CASR: variants seen among roughly 807,000 people sequenced by gnomAD.
CASR encodes extracellular calcium-sensing receptor.
A neutral mutation model predicts 69.1 loss-of-function variants in CASR; 23 were observed. That is an observed-to-expected ratio of 0.33 (90% CI 0.24 to 0.47). The LOEUF (loss-of-function observed/expected upper bound fraction) is 0.47, where lower values mean the gene tolerates loss of function less well. Ranked by LOEUF, CASR falls within the 20% of genes least tolerant of loss-of-function variation. The pLI is 1.00. For missense variants in CASR, 924 were observed against 1,356.1 expected (o/e 0.68, Z 5.00); for synonymous variants, 541 against 544.7 (o/e 0.99, Z 0.10).
chr3:122,196,957 T>A (rs1399475515), intron 1 of CASR, among the ~76,000 whole-genome samples: 1 of 152,210 alleles, frequency 6.6e-6, no homozygotes, highest in Non-Finnish European at 1.5e-5. Context: ...CTTTTTTTTG[T>A]ATGTGTGGTC....
At chr3:122,268,078 G>A (rs1305238326) in intron 4 of CASR, among the ~76,000 whole-genome samples, 1 of 152,186 alleles carries the variant, frequency 6.6e-6, no homozygotes, top group Admixed American at 6.5e-5. Flanking sequence ...AGACTGAGTT[G>A]GTTTAAATTT....
At chr3:122,219,569 G>T (rs1181686990) in intron 1 of CASR, among the ~76,000 whole-genome samples, 2 of 152,204 alleles carry the variant, frequency 1.3e-5, no homozygotes, top group Non-Finnish European at 2.9e-5. Flanking sequence ...GGAGGAATCT[G>T]TTGAGCTGGG....
At chr3:122,272,537 C>T (rs946876756) in intron 4 of CASR, among the ~76,000 whole-genome samples, 1 of 152,182 alleles carries the variant, frequency 6.6e-6, no homozygotes, top group African/African-American at 2.4e-5. Flanking sequence ...ATCATTTCAG[C>T]CCTTTTAAAT....
At chr3:122,216,172 A>G (rs911738077) in intron 1 of CASR, among the ~76,000 whole-genome samples, 2 of 152,244 alleles carry the variant, frequency 1.3e-5, no homozygotes, top group East Asian at 3.8e-4. Flanking sequence ...CACCTCCTAC[A>G]GACAGTCAGT....
rs762799076 is a variant in CASR, at chr3:122,262,373, T to C, written c.1338T>C (p.Asn446=). 8.7e-6 allele frequency: 14 copies of C among 1,613,744 alleles called. No individual in the cohort carries two copies. Among genetic ancestry groups the C allele is most frequent in the Non-Finnish European group, 1.2e-5 (14 of 1,180,034 alleles). Residue 446 remains asparagine (N), a synonymous_variant, in exon 4 of 7, where the codon AAT becomes AAC. Transcript: ENST00000639785. ...TCLPGRGLFT[N]GSCADIKKVE... The stretch of plus-strand genomic sequence containing the variant: ...TACCTGGGAGAGGGCTCTTCACCAA[T>C]GGCTCCTGTGCAGACATCAAGAAAG...
Position 122,261,769 on chromosome 3 carries a change from A to C in CASR, c.734A>C (p.Gln245Pro). 6.2e-7 allele frequency: 1 copy of C among 1,614,220 alleles called. No homozygotes were observed. Among genetic ancestry groups the C allele is most frequent in the Non-Finnish European group, 8.5e-7 (1 of 1,180,016 alleles). Reference sequence around the variant, plus strand: ...ATCGACTTCAGTGAACTCATCTCCCAGTACTCTGATGAGGAAGAGATCCAG... The same window carrying C: ...ATCGACTTCAGTGAACTCATCTCCCCGTACTCTGATGAGGAAGAGATCCAG... ...ICIDFSELISQYSDEEEIQHV... is the reference protein window; with the variant it reads ...ICIDFSELISPYSDEEEIQHV... Residue 245 changes from glutamine (Q) to proline (P), a missense_variant, in exon 4 of 7, where the codon CAG (glutamine) becomes CCG (proline). By Grantham distance (76) the Gln-to-Pro change is moderately conservative. Coordinates refer to ENST00000639785, the MANE Select transcript of CASR (RefSeq NM_000388.4).
chr3:122,213,634 T>C (rs750202432), intron 1 of CASR, among the ~76,000 whole-genome samples: 3 of 152,196 alleles, frequency 2.0e-5, no homozygotes, highest in Non-Finnish European at 4.4e-5. Context: ...CTGGTCCTTG[T>C]TAATAACCCA....
intron 1 of CASR, among the ~76,000 whole-genome samples, chr3:122,186,083 T>C (rs1464251119): frequency 1.8e-4 from 26 of 147,268 alleles, no homozygotes; most frequent in Non-Finnish European, 4.5e-5. Context: ...TTTTTGTCTC[T>C]ATGATAAAAC....
intron 1 of CASR, among the ~76,000 whole-genome samples, chr3:122,253,026 G>A (rs2074514694): frequency 6.6e-6 from 1 of 152,188 alleles, no homozygotes; most frequent in African/African-American, 2.4e-5. Flanking sequence ...ATATCCAGCT[G>A]TTGATCTTTG....
intron 4 of CASR, among the ~76,000 whole-genome samples, chr3:122,275,544 G>A (rs1292168660): frequency 6.6e-6 from 1 of 152,210 alleles, no homozygotes; most frequent in Non-Finnish European, 1.5e-5. Context: ...CAGGTGAGAT[G>A]TCTCCCTTTC....
intron 1 of CASR, among the ~76,000 whole-genome samples, chr3:122,248,437 A>C (rs1386715511): frequency 6.6e-6 from 1 of 152,206 alleles, no homozygotes; most frequent in Non-Finnish European, 1.5e-5. Flanking sequence ...ACCTTTCTGC[A>C]ATAGTGGCTT....
At chr3:122,266,211 C>CA (rs2074691824) in intron 4 of CASR, among the ~76,000 whole-genome samples, 1 of 150,100 alleles carries the variant, frequency 6.7e-6, no homozygotes, top group Non-Finnish European at 1.5e-5. Context: ...TTATAATGAG[C>CA]AACCGTTTGA....
chr3:122,241,747 C>T (rs1456032997), intron 1 of CASR, among the ~76,000 whole-genome samples: 1 of 151,914 alleles, frequency 6.6e-6, no homozygotes, highest in African/African-American at 2.4e-5. Flanking sequence ...TACAGGCCAA[C>T]ATCTCTGATG....
chr3:122,266,352 TTGG>T (rs2074694299), intron 4 of CASR, among the ~76,000 whole-genome samples: 2 of 152,204 alleles, frequency 1.3e-5, no homozygotes, highest in Admixed American at 6.5e-5. Context: ...TGTGTCTTTC[TTGG>T]TGGTGTTTTC....
rs2074987899 is a variant in CASR, at chr3:122,288,494, G to C, written c.*3303G>C. ...ATTGTTATCTCCTTCCCTGAGTTTT[G>C]GCAGCCAGAGCCTGTCTCAGAGATC... On this transcript the variant is annotated 3_prime_UTR_variant, in exon 7 of 7. Coordinates refer to ENST00000639785, the MANE Select transcript of CASR (RefSeq NM_000388.4). The C allele has an allele frequency of 6.6e-6, 1 of 152,122 alleles. No homozygotes were observed. The allele number at this position is 152,122 out of a possible 1,614,324, so 9.4% of individuals were successfully genotyped here. A position where few individuals can be genotyped will look rare whatever the true frequency, so the allele number is the denominator to read the frequency against.
In CASR at chr3:122,261,790, T is replaced by A. The variant is rs2074626618; in HGVS notation, c.755T>A (p.Ile252Asn). 3 of 1,614,236 alleles carry A rather than the reference T, an allele frequency of 1.9e-6. No homozygotes were observed. Among genetic ancestry groups the A allele is most frequent in the East Asian group, 4.5e-5 (2 of 44,888 alleles). ...TCCCAGTACTCTGATGAGGAAGAGATCCAGCATGTGGTAGAGGTGATTCAA... is the reference window on the plus strand; with the variant it reads ...TCCCAGTACTCTGATGAGGAAGAGAACCAGCATGTGGTAGAGGTGATTCAA... ...LISQYSDEEE[I>N]QHVVEVIQNS... Residue 252 changes from isoleucine to asparagine, a missense_variant, in exon 4 of 7, where the codon ATC (isoleucine) becomes AAC (asparagine). By Grantham distance (149) the Ile-to-Asn change is moderately radical. Coordinates refer to ENST00000639785, the MANE Select transcript of CASR (RefSeq NM_000388.4).
At chr3:122,195,248 G>A (rs1475891796) in intron 1 of CASR, among the ~76,000 whole-genome samples, 2 of 152,148 alleles carry the variant, frequency 1.3e-5, no homozygotes, top group African/African-American at 4.8e-5. Flanking sequence ...CAGCAAAAGG[G>A]TGAGATTTCC....
At chr3:122,235,176 T>C (rs1418719495) in intron 1 of CASR, among the ~76,000 whole-genome samples, 1 of 152,186 alleles carries the variant, frequency 6.6e-6, no homozygotes, top group Non-Finnish European at 1.5e-5. Context: ...GAAGAATATA[T>C]ACTCATTCCA....
chr3:122,245,825 C>A (rs1440805234), intron 1 of CASR, among the ~76,000 whole-genome samples: 2 of 152,126 alleles, frequency 1.3e-5, no homozygotes, highest in Non-Finnish European at 2.9e-5. Context: ...ATTTTGTGCA[C>A]CTGCGGTCCA....
Sources: allele counts gnomAD v4.1 joint callset (sites outside exome capture counted in the v4.1 genomes callset), GRCh38; gene constraint gnomAD v4.1.1; transcripts MANE v1.5; gene names NCBI Gene and HGNC (gene_info 2026-07-23, HGNC 2026-07-21).